The following TENM3 variants were observed in gnomAD, a reference collection of about 807,000 sequenced individuals.
TENM3 encodes the protein teneurin-3.
In TENM3, 63 loss-of-function variants were observed where a neutral mutation model predicts 255.1. The observed-to-expected ratio is 0.25, with a 90% confidence interval of 0.20 to 0.30. The LOEUF is 0.30. Ranked by LOEUF, TENM3 falls within the 10% of genes least tolerant of loss-of-function variation. The pLI is 1.00. For synonymous variants in TENM3, 1,306 were observed against 1,322.3 expected (o/e 0.99, Z 0.27); for missense variants, 2,929 against 3,461.1 (o/e 0.85, Z 3.86).
Position 182,440,114 on chromosome 4 carries a change from C to CTTT in TENM3, c.511+93201_511+93203dup, listed in dbSNP as rs5864784. ...CCAGCTGCAAACTCCTGGTGGGCAC[C>CTTT]TTTTTTTTTTTTTTTTTTGACGGAG... On this transcript the variant is annotated intron_variant, in intron 3 of 27. Transcript: ENST00000511685. Among the ~76,000 whole-genome samples, 430 of 126,714 alleles carry CTTT rather than the reference C, an allele frequency of 3.4e-3. 12 individuals carry two copies. The highest frequency in any genetic ancestry group is 0.03 in the East Asian group (129 of 4,334). 83.1% of individuals were successfully genotyped at this position (126,714 alleles called of 152,430 possible).
the TENM3 span, among the ~76,000 whole-genome samples, chr4:182,025,164 G>GA: frequency 6.6e-6 from 1 of 151,962 alleles, no homozygotes; most frequent in Admixed American, 6.5e-5. Context: ...CAGTAGCTGG[G>GA]ACTACAGGCG....
the TENM3 span, among the ~76,000 whole-genome samples, chr4:181,962,381 C>T: frequency 1.3e-5 from 2 of 152,156 alleles, no homozygotes; most frequent in Non-Finnish European, 2.9e-5. Flanking sequence ...TCCTGTAACT[C>T]AGGGTCTGCC....
At chr4:182,603,784 T>TATATATATATATATATATATATATAG (rs58332965) in intron 4 of TENM3, among the ~76,000 whole-genome samples, 2,192 of 133,198 alleles carry the variant, frequency 0.016, 77 homozygotes, top group East Asian at 0.036. Flanking sequence ...TATATATATA[T>TATATATATATATATATATATATATAG]ACACACACAC....
At chr4:182,179,765 T>C (rs943740458) in intron 1 of TENM3, among the ~76,000 whole-genome samples, 51 of 152,220 alleles carry the variant, frequency 3.4e-4, no homozygotes, top group Non-Finnish European at 2.2e-4. Context: ...TTCAGTGTTG[T>C]TTTTGTCTTC....
At chr4:181,816,308 TCATTTTC>T in the TENM3 span, among the ~76,000 whole-genome samples, 1 of 152,140 alleles carries the variant, frequency 6.6e-6, no homozygotes, top group Non-Finnish European at 1.5e-5. Context: ...ATTCCTCTAC[TCATTTTC>T]CATTTGCCAC....
At chr4:182,385,794 G>A (rs1195811626) in intron 3 of TENM3, among the ~76,000 whole-genome samples, 1 of 152,058 alleles carries the variant, frequency 6.6e-6, no homozygotes, top group Non-Finnish European at 1.5e-5. Context: ...TAAAACTACT[G>A]GTAGATGACA....
intron 1 of TENM3, among the ~76,000 whole-genome samples, chr4:182,216,048 TA>T (rs1279449345): frequency 6.6e-6 from 1 of 152,206 alleles, no homozygotes; most frequent in Non-Finnish European, 1.5e-5. Context: ...ATCCTGTCTT[TA>T]AAATATTTGT....
chr4:181,644,221 T>C, the TENM3 span, among the ~76,000 whole-genome samples: 67 of 152,164 alleles, frequency 4.4e-4, no homozygotes, highest in African/African-American at 1.6e-3. Context: ...AACTAGCCAG[T>C]GTTCCTTACC....
At chr4:182,345,006 T>C (rs546247078) in intron 2 of TENM3, among the ~76,000 whole-genome samples, 1 of 152,350 alleles carries the variant, frequency 6.6e-6, no homozygotes, top group South Asian at 2.1e-4. Flanking sequence ...TTTTCCTTTT[T>C]TTCTCTTCTT....
intron 24 of TENM3, among the ~76,000 whole-genome samples, chr4:182,787,570 CCAAAAATA>C (rs1179721761): frequency 6.6e-6 from 1 of 151,736 alleles, no homozygotes; most frequent in African/African-American, 2.4e-5. Context: ...CCCATCTCTA[CCAAAAATA>C]CAAAAATTAG....
At chr4:181,697,913 C>A in the TENM3 span, among the ~76,000 whole-genome samples, 1 of 151,956 alleles carries the variant, frequency 6.6e-6, no homozygotes, top group Non-Finnish European at 1.5e-5. Flanking sequence ...AAACTAAAAG[C>A]GCTTAAGATA....
chr4:181,568,403 G>T, the TENM3 span, among the ~76,000 whole-genome samples: 2 of 151,998 alleles, frequency 1.3e-5, no homozygotes, highest in African/African-American at 2.4e-5. Context: ...TGTTAGCCAG[G>T]CTGGTCTGGA....
chr4:181,682,378 GCAGTTTAC>G, the TENM3 span, among the ~76,000 whole-genome samples: 1 of 152,022 alleles, frequency 6.6e-6, no homozygotes, highest in Non-Finnish European at 1.5e-5. Flanking sequence ...GCATCTCTAG[GCAGTTTAC>G]CAGTCAATTC....
intron 1 of TENM3, among the ~76,000 whole-genome samples, chr4:182,175,095 G>A (rs1752376087): frequency 6.6e-6 from 1 of 151,876 alleles, no homozygotes; most frequent in Non-Finnish European, 1.5e-5. Context: ...TGCATTTTGA[G>A]GCTGATAACA....
chr4:182,470,806 C>A (rs750433075), intron 3 of TENM3, among the ~76,000 whole-genome samples: 2 of 152,144 alleles, frequency 1.3e-5, no homozygotes, highest in Non-Finnish European at 2.9e-5. Context: ...GAACTAGCCT[C>A]AAACCAAAAC....
At chr4:182,283,138 G>A (rs954446583) in intron 1 of TENM3, among the ~76,000 whole-genome samples, 5 of 152,034 alleles carry the variant, frequency 3.3e-5, no homozygotes, top group Admixed American at 2.6e-4. Context: ...TGACTTCAAC[G>A]TAAATAATAG....
At chr4:182,057,815 G>A in the TENM3 span, among the ~76,000 whole-genome samples, 1 of 152,046 alleles carries the variant, frequency 6.6e-6, no homozygotes, top group African/African-American at 2.4e-5. Flanking sequence ...AATGAGAAGC[G>A]TCCTTCACCT....
chr4:181,967,628 C>G, the TENM3 span, among the ~76,000 whole-genome samples: 1 of 152,216 alleles, frequency 6.6e-6, no homozygotes, highest in African/African-American at 2.4e-5. Context: ...CTGGCTCGGC[C>G]CTTGCTACGG....
At chr4:181,565,265 T>C in the TENM3 span, among the ~76,000 whole-genome samples, 241 of 152,336 alleles carry the variant, frequency 1.6e-3, no homozygotes, top group Non-Finnish European at 3.0e-3. Flanking sequence ...CGAGGACTAA[T>C]ACTCTTCTCT....
Sources: allele counts gnomAD v4.1 joint callset (sites outside exome capture counted in the v4.1 genomes callset), GRCh38; gene constraint gnomAD v4.1.1; transcripts MANE v1.5; gene names NCBI Gene and HGNC (gene_info 2026-07-23, HGNC 2026-07-21).